DPP6: variants seen among roughly 807,000 people sequenced by gnomAD.
DPP6 encodes dipeptidyl peptidase like 6.
A neutral mutation model predicts 122.6 loss-of-function variants in DPP6; 69 were observed. That is an observed-to-expected ratio of 0.56 (90% CI 0.46 to 0.69). The LOEUF (loss-of-function observed/expected upper bound fraction) is 0.69, where lower values mean the gene tolerates loss of function less well. DPP6 is among the 30% of genes least tolerant of loss of function. The pLI, the probability that DPP6 is intolerant of heterozygous loss-of-function variation, is 0.00. For missense variants in DPP6, 928 were observed against 1,116.9 expected (o/e 0.83, Z 2.41); for synonymous variants, 418 against 433.1 (o/e 0.97, Z 0.43).
chr7:154,290,479 A>AC (rs988599248), intron 1 of DPP6, among the ~76,000 whole-genome samples: 1 of 148,422 alleles, frequency 6.7e-6, no homozygotes, highest in Non-Finnish European at 1.5e-5. Flanking sequence ...GCTCCCTGCC[A>AC]CCCCCCTGCC....
chr7:154,338,176 A>G (rs1479542867), intron 1 of DPP6, among the ~76,000 whole-genome samples: 1 of 152,188 alleles, frequency 6.6e-6, no homozygotes, highest in Non-Finnish European at 1.5e-5. Context: ...GAAGGGCTCC[A>G]TGAGCAGTTG....
chr7:153,967,997 A>C (rs1405290674), intron 1 of DPP6, among the ~76,000 whole-genome samples: 1 of 150,950 alleles, frequency 6.6e-6, no homozygotes, highest in Admixed American at 6.6e-5. Context: ...TGTTTTTGCT[A>C]TTGTGAGTAG....
chr7:153,758,863 C>T, the DPP6 span, among the ~76,000 whole-genome samples: 1 of 152,098 alleles, frequency 6.6e-6, no homozygotes, highest in African/African-American at 2.4e-5. Context: ...TGGACATATG[C>T]TTACACTTCA....
intron 1 of DPP6, among the ~76,000 whole-genome samples, chr7:154,313,712 T>TATATATATATATAAATGC (rs1554515587): frequency 4.0e-5 from 1 of 24,914 alleles, no homozygotes; most frequent in Non-Finnish European, 9.8e-5. Context: ...TATATATATA[T>TATATATATATATAAATGC]ATACACACAC....
intron 1 of DPP6, among the ~76,000 whole-genome samples, chr7:154,296,749 T>C (rs1222123115): frequency 6.6e-6 from 1 of 152,256 alleles, no homozygotes; most frequent in Non-Finnish European, 1.5e-5. Flanking sequence ...GAGTACTAAC[T>C]GTAAGTGATA....
At chr7:154,571,864 C>T (rs1333260187) in intron 5 of DPP6, among the ~76,000 whole-genome samples, 1 of 152,176 alleles carries the variant, frequency 6.6e-6, no homozygotes, top group Admixed American at 6.5e-5. Flanking sequence ...CAGCTTAAGA[C>T]AAACAACATG....
rs144789737 is a variant in DPP6 at position 154,735,980 on chromosome 7, G to A, written c.883+8093G>A. Among the ~76,000 whole-genome samples the A allele has an allele frequency of 4.1e-3, 629 of 152,306 alleles. 2 individuals carry two copies. Among genetic ancestry groups the A allele is most frequent in the African/African-American group, 0.014 (572 of 41,568 alleles). ...TCCCCTGCCATCGTCTGCTCTCAACGTAGCAATCATGGCATCATGGCTGCC... is the reference window on the plus strand; with the variant it reads ...TCCCCTGCCATCGTCTGCTCTCAACATAGCAATCATGGCATCATGGCTGCC... On this transcript the variant is annotated intron_variant, in intron 8 of 25. Coordinates refer to ENST00000377770, the MANE Select transcript of DPP6 (RefSeq NM_130797.4).
At chr7:154,305,755 C>T (rs982145006) in intron 1 of DPP6, among the ~76,000 whole-genome samples, 2 of 152,006 alleles carry the variant, frequency 1.3e-5, no homozygotes, top group Non-Finnish European at 2.9e-5. Flanking sequence ...CTGGAGTCTG[C>T]GGCTCTCCTC....
Position 154,877,831 on chromosome 7 carries a change from G to A in DPP6, c.2078+1731G>A, listed in dbSNP as rs1169150605. Among the ~76,000 whole-genome samples, 1 of 152,198 alleles carries A rather than the reference G, an allele frequency of 6.6e-6. No individual in the cohort carries two copies. Among genetic ancestry groups the A allele is most frequent in the Non-Finnish European group, 1.5e-5 (1 of 68,034 alleles). On this transcript the variant is annotated intron_variant, in intron 20 of 25. Transcript: ENST00000377770. The surrounding 1 kb of genome is among the most constrained non-coding windows in gnomAD (Gnocchi z 5.2). ...TGGGTCCGTCTGACACCAGTGTGGG[G>A]CCAGCCCCTGAGCAGAGGATGTGGG... is the stretch of plus-strand genomic sequence containing the variant.
intron 16 of DPP6, among the ~76,000 whole-genome samples, chr7:154,822,471 C>T (rs1799857876): frequency 6.6e-6 from 1 of 152,152 alleles, no homozygotes; most frequent in Admixed American, 6.6e-5. Context: ...GGCCCGACCC[C>T]CTAACACTGT....
chr7:154,769,778 C>T (rs777301585), intron 9 of DPP6, among the ~76,000 whole-genome samples: 18 of 152,118 alleles, frequency 1.2e-4, no homozygotes, highest in African/African-American at 2.9e-4. Context: ...TTTAGGTAAC[C>T]GAACTAATGT....
intron 1 of DPP6, among the ~76,000 whole-genome samples, chr7:153,983,718 C>T (rs1452830054): frequency 5.3e-5 from 8 of 151,882 alleles, no homozygotes; most frequent in Non-Finnish European, 1.0e-4. Flanking sequence ...GTTGTGAAGA[C>T]CGTGGGAAAA....
chr7:154,817,967 T>A (rs1799528019), intron 16 of DPP6, among the ~76,000 whole-genome samples: 2 of 152,274 alleles, frequency 1.3e-5, no homozygotes, highest in East Asian at 3.9e-4. Flanking sequence ...TTTGGTGTAA[T>A]CCCCTGAAAT....
chr7:154,622,151 C>A (rs1030804542), intron 5 of DPP6, among the ~76,000 whole-genome samples: 4 of 152,142 alleles, frequency 2.6e-5, no homozygotes, highest in Non-Finnish European at 5.9e-5. Context: ...ACCACATAGC[C>A]CAGTTGGTCT....
intron 1 of DPP6, among the ~76,000 whole-genome samples, chr7:154,134,054 A>G (rs1454063290): frequency 1.3e-5 from 2 of 151,840 alleles, no homozygotes; most frequent in Non-Finnish European, 2.9e-5. Context: ...TCCACTGTGC[A>G]CAGGGCTGCC....
intron 1 of DPP6, among the ~76,000 whole-genome samples, chr7:153,950,787 A>T (rs1443146841): frequency 6.6e-6 from 1 of 152,228 alleles, no homozygotes; most frequent in African/African-American, 2.4e-5. Context: ...AGACATGGAC[A>T]TGTACAATGG....
At chr7:154,482,176 G>T (rs777773151) in intron 3 of DPP6, among the ~76,000 whole-genome samples, 1 of 152,206 alleles carries the variant, frequency 6.6e-6, no homozygotes, top group Non-Finnish European at 1.5e-5. Flanking sequence ...CCAACGCAAA[G>T]GTCTTGGTGC....
At chr7:154,627,449 C>G (rs1162802818) in intron 5 of DPP6, among the ~76,000 whole-genome samples, 1 of 151,882 alleles carries the variant, frequency 6.6e-6, no homozygotes, top group African/African-American at 2.4e-5. Flanking sequence ...CCACCTGCCT[C>G]GGCCTCCCAA....
intron 7 of DPP6, among the ~76,000 whole-genome samples, chr7:154,671,661 A>G (rs1838563517): frequency 6.6e-6 from 1 of 152,130 alleles, no homozygotes; most frequent in Non-Finnish European, 1.5e-5. Flanking sequence ...GTGCGTGTGC[A>G]TGCACACACT....
Sources: gnomAD v4.1 joint callset for allele counts (sites outside exome capture counted in the v4.1 genomes callset) on GRCh38, gnomAD v4.1.1 for gene constraint, Gnocchi (gnomAD v3.1) non-coding constraint, MANE v1.5 for transcripts, NCBI Gene and HGNC (gene_info 2026-07-23, HGNC 2026-07-21) for gene names.